EVC: variants seen among roughly 807,000 people sequenced by gnomAD.
EVC encodes EvC ciliary complex subunit 1, also known as evC complex member EVC.
In EVC, 116 loss-of-function variants were observed where a neutral mutation model predicts 118.9. The observed-to-expected ratio is 0.98, with a 90% CI of 0.84 to 1.14. EVC has a LOEUF of 1.14. Ranked by LOEUF, EVC falls within the 50% of genes most tolerant of loss-of-function variation. The pLI is 0.00. For missense variants in EVC, 1,401 were observed against 1,246.4 expected (o/e 1.12, Z -1.87); for synonymous variants, 619 against 534.7 (o/e 1.16, Z -2.18).
At chr4:5,783,440 T>C in intron 11 of EVC, 112 bp from the exon 12 acceptor site, 1 of 1,016,034 alleles carries the variant, frequency 9.8e-7, no homozygotes, top group East Asian at 2.4e-5. Flanking sequence ...TTCCTGTCTG[T>C]GGATCTCCTT....
At chr4:5,736,917 C>G (rs1285541898) in intron 5 of EVC, among the ~76,000 whole-genome samples, 2 of 152,172 alleles carry the variant, frequency 1.3e-5, no homozygotes. Context: ...GTGTCTCTCA[C>G]TTTTAAGTCA....
chr4:5,788,470 A>G (rs569311175), intron 12 of EVC, among the ~76,000 whole-genome samples: 2 of 152,322 alleles, frequency 1.3e-5, no homozygotes, highest in East Asian at 1.9e-4. Flanking sequence ...TCAGATCTAC[A>G]TGAAGTCTCC....
In EVC at chr4:5,756,017, C is replaced by T. The variant is rs1731115955; in HGVS notation, c.1465-247C>T. ...GAGTGACAGAAGTGGTCCAGTGGCC[C>T]CTCCTCATCCTGGCTTTAACAAAAG... On this transcript the variant is annotated intron_variant, in intron 10 of 20. Transcript: ENST00000264956. This position sits in a 1 kb window ranked among gnomAD's most constrained non-coding sequence, Gnocchi z 4.2. Among the ~76,000 whole-genome samples, 1 of 152,104 alleles carries T rather than the reference C, an allele frequency of 6.6e-6. No homozygotes were observed. Among genetic ancestry groups the T allele is most frequent in the African/African-American group, 2.4e-5 (1 of 41,422 alleles).
chr4:5,801,663 C>G, intron 15 of EVC: 1 of 367,164 alleles, frequency 2.7e-6, no homozygotes, highest in Non-Finnish European at 5.1e-6. Context: ...CAGAGTGAGT[C>G]TCCATCTCAA....
the EVC span, among the ~76,000 whole-genome samples, chr4:5,829,048 T>G: frequency 3.3e-5 from 5 of 150,544 alleles, no homozygotes. Flanking sequence ...TCTAGGTTTC[T>G]AAAATCAAAT....
chr4:5,745,205 A>T lies in EVC; in HGVS notation c.803A>T (p.Asp268Val). The T allele has an allele frequency of 6.2e-7, 1 of 1,612,650 alleles. No homozygotes were observed. The highest frequency in any genetic ancestry group is 8.5e-7 in the Non-Finnish European group (1 of 1,179,580). The change falls in exon 7 of 21, where the codon GAT becomes GTT. Residue 268 changes from aspartate to valine, a missense_variant and splice_region_variant. Asp to Val is a radical substitution (Grantham distance 152). Transcript: ENST00000264956. Reference sequence around the variant, plus strand: ...TTCTTTTTTCTTCTTCTTCTTCAGGATTTGGAGGAACTAGAAAAGGGACTT... The same window carrying T: ...TTCTTTTTTCTTCTTCTTCTTCAGGTTTTGGAGGAACTAGAAAAGGGACTT... ...YQKILSKQEK[D>V]LEELEKGLQV...
chr4:5,753,785 A>T lies in EVC; in HGVS notation c.1316A>T (p.Glu439Val), dbSNP rs766679717. The T allele has an allele frequency of 2.5e-5, 41 of 1,613,772 alleles. No homozygotes were observed. Among genetic ancestry groups the T allele is most frequent in the Non-Finnish European group, 3.5e-5 (41 of 1,179,932 alleles). Residue 439 changes from glutamate to valine, a missense_variant and splice_region_variant, in exon 10 of 21, where the codon GAG becomes GTG. Physicochemically the swap from Glu to Val is moderately radical, Grantham distance 121. Coordinates refer to ENST00000264956, the MANE Select transcript of EVC (RefSeq NM_153717.3). Reference protein sequence around the residue: ...FWQEAERFSREFVQRGKDLVT... With the variant: ...FWQEAERFSRVFVQRGKDLVT... ...ATGCTGTGGCTTTTTTCAATCCCAG[A>T]GTTTGTCCAGCGAGGCAAAGACCTG...
chr4:5,801,698 G>T, intron 15 of EVC: 1 of 455,052 alleles, frequency 2.2e-6, no homozygotes, highest in South Asian at 2.5e-5. Context: ...AAAAAGATGC[G>T]GGGAAGGCCT....
At position 5,808,252 on chromosome 4, in the gene EVC, G is replaced by C; in HGVS notation, c.2613G>C (p.Gln871His). The C allele has an allele frequency of 5.6e-6, 9 of 1,610,172 alleles. No individual in the cohort carries two copies. Among genetic ancestry groups the C allele is most frequent in the Non-Finnish European group, 7.6e-6 (9 of 1,178,330 alleles). ...TGGCCCAGTTCCCAGTGCACCAGCA[G>C]ATGCGTCTGCACGCCCAGCAGCAGC... Reference protein sequence around the residue: ...RFLAQFPVHQQMRLHAQQQQA... With the variant: ...RFLAQFPVHQHMRLHAQQQQA... The change falls in exon 18 of 21, where the codon CAG (glutamine) becomes CAC (histidine). Residue 871 changes from glutamine (Q) to histidine (H), a missense_variant. Physicochemically the swap from Gln to His is conservative, Grantham distance 24. Transcript: ENST00000264956.
At chr4:5,780,875 G>A (rs116603632) in intron 11 of EVC, among the ~76,000 whole-genome samples, 372 of 152,332 alleles carry the variant, frequency 2.4e-3, no homozygotes, top group African/African-American at 8.6e-3. Flanking sequence ...GCTACAAGGC[G>A]TAAAATCCAG....
At chr4:5,774,541 G>A (rs1734443543) in intron 11 of EVC, among the ~76,000 whole-genome samples, 1 of 152,034 alleles carries the variant, frequency 6.6e-6, no homozygotes, top group Admixed American at 6.6e-5. Flanking sequence ...AGGAAGCTTT[G>A]TAAAGCTCTA....
intron 12 of EVC, chr4:5,793,407 T>G (rs1713159433): frequency 2.8e-5 from 17 of 613,058 alleles, no homozygotes; most frequent in South Asian, 2.7e-4. Context: ...AATTTTCGTA[T>G]TTGCATTTTT....
chr4:5,825,765 C>T, the EVC span: 3 of 1,132,488 alleles, frequency 2.6e-6, no homozygotes, highest in Middle Eastern at 2.0e-4. This position sits in a 1 kb window ranked among gnomAD's most constrained non-coding sequence, Gnocchi z 4.4. Flanking sequence ...GAGGTCACTT[C>T]AAATGTGCAT....
chr4:5,750,906 C>T (rs1478510748), intron 8 of EVC, among the ~76,000 whole-genome samples: 1 of 152,190 alleles, frequency 6.6e-6, no homozygotes, highest in Non-Finnish European at 1.5e-5. Context: ...TCTCAGAACA[C>T]AGAAGAGTTG....
intron 12 of EVC, among the ~76,000 whole-genome samples, chr4:5,784,106 C>T (rs1331129599): frequency 1.3e-5 from 2 of 152,146 alleles, no homozygotes; most frequent in South Asian, 2.1e-4. Flanking sequence ...AAGCGGCACA[C>T]AGGACTCCTG....
At chr4:5,733,845 A>C (rs1727243959) in intron 5 of EVC, among the ~76,000 whole-genome samples, 1 of 152,226 alleles carries the variant, frequency 6.6e-6, no homozygotes, top group South Asian at 2.1e-4. Context: ...CTTAAACCTC[A>C]GCACAACCCA....
At chr4:5,828,744 C>A in the EVC span, 1 of 1,520,710 alleles carries the variant, frequency 6.6e-7, no homozygotes, top group African/African-American at 1.4e-5. Context: ...GCGATTTTGC[C>A]TAACATTATA....
intron 2 of EVC, among the ~76,000 whole-genome samples, chr4:5,724,168 T>C (rs180851037): frequency 1.3e-5 from 2 of 152,276 alleles, no homozygotes; most frequent in Admixed American, 1.3e-4. Flanking sequence ...TGGGCAAACA[T>C]GCATAAGGTG....
chr4:5,744,524 G>A (rs1448229958), intron 6 of EVC, among the ~76,000 whole-genome samples: 1 of 152,178 alleles, frequency 6.6e-6, no homozygotes, highest in Non-Finnish European at 1.5e-5. Flanking sequence ...CAGGAGGACA[G>A]ATATAGAAAT....
Sources: allele counts gnomAD v4.1 joint callset (sites outside exome capture counted in the v4.1 genomes callset), GRCh38; gene constraint gnomAD v4.1.1; non-coding constraint Gnocchi (gnomAD v3.1); transcripts MANE v1.5; gene names NCBI Gene and HGNC (gene_info 2026-07-23, HGNC 2026-07-21).